PCGF3: variants seen among roughly 807,000 people sequenced by gnomAD.
PCGF3 encodes polycomb group RING finger protein 3.
A neutral mutation model predicts 33.1 loss-of-function variants in PCGF3; 7 were observed. The observed-to-expected ratio is 0.21, with a 90% CI of 0.12 to 0.40. The LOEUF is 0.40. Among genes scored for constraint, PCGF3 ranks in the 10% least tolerant of loss-of-function variants. The pLI is 1.00. For missense variants in PCGF3, 211 were observed against 313.3 expected (o/e 0.67, Z 2.46); for synonymous variants, 153 against 121.3 (o/e 1.26, Z -1.72).
chr4:742,586 A>T (rs1744142189), intron 6 of PCGF3, among the ~76,000 whole-genome samples: 1 of 152,152 alleles, frequency 6.6e-6, no homozygotes, highest in Admixed American at 6.5e-5. Context: ...GTGTGAACTA[A>T]GGTCACCCTT....
chr4:720,462 G>A lies in PCGF3; in HGVS notation c.-189-10168G>A, dbSNP rs1195030857. Reference sequence around the variant, plus strand: ...AGAGAGGTGCAGGGTCTCTTGTCAGGTGGACAGGGGCTGGCCCACCCGTGA... The same window carrying A: ...AGAGAGGTGCAGGGTCTCTTGTCAGATGGACAGGGGCTGGCCCACCCGTGA... On this transcript the variant is annotated intron_variant, in intron 1 of 10. Transcript: ENST00000362003. The surrounding 1 kb of genome is among the most constrained non-coding windows in gnomAD (Gnocchi z 5.6). Among the ~76,000 whole-genome samples the A allele has an allele frequency of 2.0e-5, 3 of 152,192 alleles. No homozygotes were observed. Among genetic ancestry groups the A allele is most frequent in the Non-Finnish European group, 4.4e-5 (3 of 68,008 alleles).
In PCGF3 at chr4:738,907, T is replaced by C. The variant is rs765833149; in HGVS notation, c.262+1386T>C. 4.2e-4 allele frequency among the ~76,000 whole-genome samples: 61 copies of C among 146,854 alleles called. 1 individual carries two copies. In the Middle Eastern group the frequency reaches 0.015, roughly 37 times the overall value. On this transcript the variant is annotated intron_variant, in intron 6 of 10. Coordinates refer to ENST00000362003, the Ensembl canonical transcript of PCGF3. ...GTGTGCACTGGAGCGTTTCAAACGC[T>C]TAGCAGTGGGCGGGATCGGGGCAGG...
At chr4:766,491 ATCCT>A (rs1237323760) in exon 11 of PCGF3, 17 of 159,034 alleles carry the variant, frequency 1.1e-4, no homozygotes, top group African/African-American at 4.1e-4. Flanking sequence ...CTTTTATTGA[ATCCT>A]TCCTAAGTTA....
intron 1 of PCGF3, among the ~76,000 whole-genome samples, chr4:719,958 C>T (rs546157074): frequency 7.9e-5 from 12 of 152,294 alleles, no homozygotes; most frequent in South Asian, 2.1e-4. Flanking sequence ...AGCTGTGGTG[C>T]GGTTCACAGC....
chr4:715,107 G>T (rs1375571465), intron 1 of PCGF3, among the ~76,000 whole-genome samples: 2 of 148,918 alleles, frequency 1.3e-5, no homozygotes, highest in Non-Finnish European at 3.0e-5. Flanking sequence ...TAGACTCTGT[G>T]AGTGTGAGAA....
intron 1 of PCGF3, among the ~76,000 whole-genome samples, chr4:718,112 A>G (rs978426638): frequency 6.6e-6 from 1 of 152,088 alleles, no homozygotes; most frequent in African/African-American, 2.4e-5. Context: ...CTGGGGTGCA[A>G]GGCTGTCAGA....
In PCGF3 at chr4:749,476, C is replaced by CTTTTTTTTTTTTTTTTTTTT. The variant is rs71640348; in HGVS notation, c.462+4793_462+4812dup. Among the ~76,000 whole-genome samples the CTTTTTTTTTTTTTTTTTTTT allele has an allele frequency of 4.4e-4, 33 of 75,482 alleles. 4 individuals are homozygous for CTTTTTTTTTTTTTTTTTTTT. The highest frequency in any genetic ancestry group is 6.0e-4 in the Non-Finnish European group (26 of 43,390). The allele number at this position is 75,482 out of a possible 152,430, so 49.5% of individuals were successfully genotyped here. A position where few individuals can be genotyped will look rare whatever the true frequency, so the allele number is the denominator to read the frequency against. On this transcript the variant is annotated intron_variant, in intron 8 of 10. Coordinates refer to ENST00000362003, the Ensembl canonical transcript of PCGF3. Reference sequence around the variant, plus strand: ...ACCATGCCCTGCTGAATTTTCTTTCCTTTTTTTTTTTTTTTTTTTTTTTTG... The same window carrying CTTTTTTTTTTTTTTTTTTTT: ...ACCATGCCCTGCTGAATTTTCTTTCCTTTTTTTTTTTTTTTTTTTTTTTTTTTTTTTTTTTTTTTTTTTTG...
chr4:728,813 C>T (rs538286931), intron 1 of PCGF3, among the ~76,000 whole-genome samples: 3 of 152,038 alleles, frequency 2.0e-5, no homozygotes, highest in South Asian at 2.1e-4. Flanking sequence ...AAAATTCGTT[C>T]GGTTGGCCGG....
intron 10 of PCGF3, among the ~76,000 whole-genome samples, chr4:765,317 C>T (rs1293268764): frequency 3.3e-5 from 5 of 152,094 alleles, no homozygotes; most frequent in Admixed American, 6.5e-5. Flanking sequence ...CCTGTAGTCT[C>T]AGCTACTCAG....
intron 1 of PCGF3, among the ~76,000 whole-genome samples, chr4:725,607 TGGGCTGCCGA>T (rs1743298167): frequency 6.7e-6 from 1 of 150,272 alleles, no homozygotes; most frequent in Non-Finnish European, 1.5e-5. Context: ...TGTGGCTGTG[TGGGCTGCCGA>T]GGGCTGCTGT....
At chr4:716,132 A>T (rs28703956) in intron 1 of PCGF3, among the ~76,000 whole-genome samples, 3,241 of 56,978 alleles carry the variant, frequency 0.057, 85 homozygotes, top group Middle Eastern at 0.12. Context: ...ACTGGGTGTC[A>T]GTGCTGGGAC....
Position 740,962 on chromosome 4 carries a change from G to A in PCGF3, c.263-2512G>A, listed in dbSNP as rs137966337. 7.0e-3 allele frequency among the ~76,000 whole-genome samples: 1,064 copies of A among 152,336 alleles called. 3 individuals carry two copies. Among genetic ancestry groups the A allele is most frequent in the Admixed American group, 0.014 (210 of 15,312 alleles). On this transcript the variant is annotated intron_variant, in intron 6 of 10. Coordinates refer to ENST00000362003, the Ensembl canonical transcript of PCGF3. ...GTTTTCATGACGACGTCAGAACGAG[G>A]AAAGGAGAAAAGGGGACTTTCAGGG...
intron 1 of PCGF3, among the ~76,000 whole-genome samples, chr4:716,480 T>C (rs371505268): frequency 1.0e-3 from 75 of 72,688 alleles, no homozygotes; most frequent in East Asian, 1.9e-3. Context: ...GAGAACTGGG[T>C]GTCGGTGCTG....
intron 1 of PCGF3, among the ~76,000 whole-genome samples, chr4:713,481 GTGTGGCCTGGTGGGGGC>G (rs1020341580): frequency 3.6e-5 from 5 of 139,638 alleles, no homozygotes; most frequent in African/African-American, 1.3e-4. Context: ...CATGGGTCCT[GTGTGGCCTGGTGGGGGC>G]TGTGGCCTTG....
intron 1 of PCGF3, among the ~76,000 whole-genome samples, chr4:718,055 G>T (rs942602101): frequency 1.3e-5 from 2 of 152,214 alleles, no homozygotes; most frequent in African/African-American, 4.8e-5. Flanking sequence ...TTCTAGGGGG[G>T]CCCAGTGTGA....
intron 1 of PCGF3, among the ~76,000 whole-genome samples, chr4:710,373 C>G (rs1742511803): frequency 6.6e-6 from 1 of 152,248 alleles, no homozygotes; most frequent in South Asian, 2.1e-4. Context: ...TGTGGAGTGA[C>G]ATTCTACCAC....
At chr4:767,375 G>A (rs1227758979) in exon 11 of PCGF3, 1 of 152,150 alleles carries the variant, frequency 6.6e-6, no homozygotes, top group African/African-American at 2.4e-5. Context: ...GGAGGAGCAA[G>A]GGCTGTTTTC....
At chr4:748,195 T>C (rs1234094338) in intron 8 of PCGF3, among the ~76,000 whole-genome samples, 1 of 147,000 alleles carries the variant, frequency 6.8e-6, no homozygotes, top group African/African-American at 2.5e-5. Flanking sequence ...TACCCACGTC[T>C]AGAGAACTTT....
chr4:750,179 A>G (rs111312786), intron 8 of PCGF3, among the ~76,000 whole-genome samples: 1 of 152,144 alleles, frequency 6.6e-6, no homozygotes, highest in African/African-American at 2.4e-5. Context: ...GATGAATAAT[A>G]TTTTCACTGG....
Sources: allele counts gnomAD v4.1 joint callset (sites outside exome capture counted in the v4.1 genomes callset), GRCh38; gene constraint gnomAD v4.1.1; non-coding constraint Gnocchi (gnomAD v3.1); transcripts MANE v1.5; gene names NCBI Gene and HGNC (gene_info 2026-07-23, HGNC 2026-07-21).